Variants in HHAT observed in about 807,000 individuals in gnomAD.
HHAT encodes hedgehog acyltransferase.
In HHAT, 47 loss-of-function variants were observed where a neutral mutation model predicts 70.8. That is an observed-to-expected ratio of 0.66 (90% CI 0.53 to 0.85). The LOEUF (loss-of-function observed/expected upper bound fraction) is 0.85, where lower values mean the gene tolerates loss of function less well. Among genes scored for constraint, HHAT ranks in the 40% least tolerant of loss-of-function variants. The pLI, the probability that HHAT is intolerant of heterozygous loss-of-function variation, is 0.00. For synonymous variants in HHAT, 228 were observed against 247.6 expected (o/e 0.92, Z 0.74); for missense variants, 609 against 604.8 (o/e 1.01, Z -0.07).
At chr1:210,614,018 C>CAAAAAA (rs55874321) in intron 10 of HHAT, among the ~76,000 whole-genome samples, 36 of 111,564 alleles carry the variant, frequency 3.2e-4, no homozygotes, top group African/African-American at 1.3e-3. Context: ...GACCCTGCCT[C>CAAAAAA]AAAAAAAAAA....
chr1:210,517,831 ATAT>A (rs72194895), intron 9 of HHAT, among the ~76,000 whole-genome samples: 13,080 of 152,188 alleles, frequency 0.086, 1,434 homozygotes, highest in East Asian at 0.31. Context: ...TTAAAAAATA[ATAT>A]TTTAAAAACG....
chr1:210,501,178 T>G, intron 8 of HHAT, among the ~76,000 whole-genome samples: 1 of 152,374 alleles, frequency 6.6e-6, no homozygotes, highest in South Asian at 2.1e-4. Context: ...TTTATTTTTC[T>G]AGCCTCTAAT....
At chr1:210,449,414 C>T (rs1221657163) in intron 7 of HHAT, among the ~76,000 whole-genome samples, 2 of 152,290 alleles carry the variant, frequency 1.3e-5, no homozygotes, top group Middle Eastern at 3.4e-3. Flanking sequence ...CTGATCATGC[C>T]TTTCCCGTCG....
At chr1:210,450,119 C>T (rs956122240) in intron 7 of HHAT, among the ~76,000 whole-genome samples, 2 of 152,178 alleles carry the variant, frequency 1.3e-5, no homozygotes, top group East Asian at 1.9e-4. Context: ...TGGTGAACCC[C>T]ATCTCTACTA....
At chr1:210,553,190 G>A (rs1252407743) in intron 9 of HHAT, among the ~76,000 whole-genome samples, 2 of 152,152 alleles carry the variant, frequency 1.3e-5, no homozygotes, top group Non-Finnish European at 2.9e-5. Context: ...CCAGGAAGAG[G>A]GGACCAAGGC....
intron 9 of HHAT, among the ~76,000 whole-genome samples, chr1:210,587,052 G>A (rs1227061644): frequency 3.3e-5 from 5 of 152,178 alleles, no homozygotes; most frequent in African/African-American, 1.2e-4. Context: ...CCCATCTGCT[G>A]CACCCAGCTC....
chr1:210,346,031 T>C (rs1051693677), intron 1 of HHAT, among the ~76,000 whole-genome samples: 4 of 149,408 alleles, frequency 2.7e-5, no homozygotes, highest in African/African-American at 7.4e-5. Flanking sequence ...GCCACTGCAC[T>C]CCTGCTTGGG....
At chr1:210,479,375 G>A (rs2094356624) in intron 8 of HHAT, among the ~76,000 whole-genome samples, 1 of 152,174 alleles carries the variant, frequency 6.6e-6, no homozygotes, top group Non-Finnish European at 1.5e-5. Context: ...ATACTGACAA[G>A]TAATGTGTCA....
intron 9 of HHAT, among the ~76,000 whole-genome samples, chr1:210,517,408 C>T (rs2095075495): frequency 6.6e-6 from 1 of 152,172 alleles, no homozygotes; most frequent in African/African-American, 2.4e-5. Flanking sequence ...GCTACTGCAC[C>T]TGGCCAGCAC....
At chr1:210,492,455 G>T (rs1395808688) in intron 8 of HHAT, among the ~76,000 whole-genome samples, 2 of 152,192 alleles carry the variant, frequency 1.3e-5, no homozygotes, top group South Asian at 2.1e-4. Context: ...GGTTAGATGG[G>T]GGGAGGCATG....
At chr1:210,456,781 G>C (rs1479861351) in intron 7 of HHAT, among the ~76,000 whole-genome samples, 2 of 152,200 alleles carry the variant, frequency 1.3e-5, no homozygotes, top group Admixed American at 6.5e-5. Flanking sequence ...ACCAGTTGCT[G>C]TAGTCATTCA....
At chr1:210,520,804 T>TTAAGA in intron 9 of HHAT, among the ~76,000 whole-genome samples, 1 of 152,224 alleles carries the variant, frequency 6.6e-6, no homozygotes, top group Middle Eastern at 3.2e-3. Flanking sequence ...ATATTTTGAA[T>TTAAGA]AAGAATCTAG....
intron 5 of HHAT, among the ~76,000 whole-genome samples, chr1:210,401,124 C>T (rs2092049130): frequency 6.6e-6 from 1 of 152,080 alleles, no homozygotes; most frequent in East Asian, 1.9e-4. Context: ...TTTATTTATT[C>T]ATTTGTAGAG....
intron 9 of HHAT, among the ~76,000 whole-genome samples, chr1:210,574,716 CA>C (rs1248984345): frequency 6.6e-6 from 1 of 152,220 alleles, no homozygotes; most frequent in African/African-American, 2.4e-5. Context: ...AGGCCCTCTC[CA>C]TGCTTTTGCT....
At chr1:210,587,874 C>G in intron 9 of HHAT, 24 bp from the exon 10 acceptor site, 3 of 1,601,712 alleles carry the variant, frequency 1.9e-6, no homozygotes, top group Non-Finnish European at 2.6e-6. Flanking sequence ...CTGTATGTCT[C>G]CTAACAGCCT....
At position 210,595,349 on chromosome 1, in the gene HHAT, C is replaced by T. The variant is rs531384411; in HGVS notation, c.1245+7250C>T. 8.6e-4 allele frequency among the ~76,000 whole-genome samples: 131 copies of T among 152,178 alleles called. 2 individuals carry two copies. The highest frequency in any genetic ancestry group is 2.7e-3 in the Admixed American group (41 of 15,266). ...CATGGTGTATATGTGCCACATTTTC[C>T]TAATCCAGTCTATCATTGTTGGACA... On this transcript the variant is annotated intron_variant, in intron 10 of 11. Transcript: ENST00000261458.
intron 10 of HHAT, among the ~76,000 whole-genome samples, chr1:210,594,711 C>G (rs574348970): frequency 3.3e-5 from 5 of 152,290 alleles, no homozygotes; most frequent in African/African-American, 9.6e-5. Flanking sequence ...GAAGAACTGC[C>G]GTTGGCATTT....
intron 3 of HHAT, among the ~76,000 whole-genome samples, chr1:210,376,014 A>ATTTTTTTTTTTTTTTT (rs57707354): frequency 5.5e-5 from 6 of 108,886 alleles, no homozygotes; most frequent in Admixed American, 1.1e-4. Context: ...TGCACAGCTA[A>ATTTTTTTTTTTTTTTT]TTTTTTTTTT....
chr1:210,567,013 G>C (rs1654920820), intron 9 of HHAT, among the ~76,000 whole-genome samples: 1 of 152,204 alleles, frequency 6.6e-6, no homozygotes, highest in South Asian at 2.1e-4. Flanking sequence ...TATGGGGCTG[G>C]AGCCCAGGGA....
Sources: allele counts gnomAD v4.1 joint callset (sites outside exome capture counted in the v4.1 genomes callset), GRCh38; gene constraint gnomAD v4.1.1; transcripts MANE v1.5; gene names NCBI Gene and HGNC (gene_info 2026-07-23, HGNC 2026-07-21).